The following TP63 variants were observed in gnomAD, a reference collection of about 807,000 sequenced individuals.
TP63 encodes tumor protein 63.
Under a neutral mutation model 82.8 loss-of-function variants are expected in TP63, and 17 were observed. The observed-to-expected ratio is 0.21, with a 90% confidence interval of 0.14 to 0.31. The LOEUF is 0.31. Ranked by LOEUF, TP63 falls within the 10% of genes least tolerant of loss-of-function variation. The pLI is 1.00. For synonymous variants in TP63, 330 were observed against 321.7 expected, an observed-to-expected ratio of 1.03 and a Z score of -0.28; for missense variants, 648 against 895.3, an observed-to-expected ratio of 0.72 and a Z score of 3.52.
chr3:189,632,305 C>G (rs1729510132), intron 1 of TP63, among the ~76,000 whole-genome samples: 1 of 152,050 alleles, frequency 6.6e-6, no homozygotes, highest in Non-Finnish European at 1.5e-5. Flanking sequence ...AGATTTCGTA[C>G]TTTATTTTAT....
chr3:189,888,250 A>G (rs778559583), intron 11 of TP63, among the ~76,000 whole-genome samples: 28 of 152,154 alleles, frequency 1.8e-4, no homozygotes, highest in Admixed American at 4.6e-4. Context: ...TCACTCTCTC[A>G]CTAATGATAA....
chr3:189,744,919 A>G (rs1721257332), intron 3 of TP63, among the ~76,000 whole-genome samples: 1 of 152,214 alleles, frequency 6.6e-6, no homozygotes, highest in Non-Finnish European at 1.5e-5. Flanking sequence ...AGGCTGGCCT[A>G]CCGGGTGTCT....
the TP63 span, among the ~76,000 whole-genome samples, chr3:189,616,532 A>C: frequency 6.6e-6 from 1 of 152,194 alleles, no homozygotes; most frequent in Non-Finnish European, 1.5e-5. Flanking sequence ...TCCTTCATCC[A>C]GTCTTAGAAG....
chr3:189,864,863 T>G (rs191724058), intron 5 of TP63, among the ~76,000 whole-genome samples: 3,549 of 151,902 alleles, frequency 0.023, 131 homozygotes, highest in African/African-American at 0.081. Flanking sequence ...AAAAATTAGC[T>G]GGGCATGGTG....
At chr3:189,767,186 T>C (rs1315718295) in intron 3 of TP63, among the ~76,000 whole-genome samples, 1 of 152,212 alleles carries the variant, frequency 6.6e-6, no homozygotes, top group Non-Finnish European at 1.5e-5. Flanking sequence ...AATTTATCTT[T>C]ATTATTTATT....
intron 4 of TP63, among the ~76,000 whole-genome samples, chr3:189,862,268 A>G (rs916531664): frequency 1.3e-5 from 2 of 152,180 alleles, no homozygotes; most frequent in African/African-American, 4.8e-5. Flanking sequence ...TTGTATCAGG[A>G]TAAAATTTCT....
At chr3:189,842,999 A>G (rs879300801) in intron 4 of TP63, among the ~76,000 whole-genome samples, 1 of 152,194 alleles carries the variant, frequency 6.6e-6, no homozygotes, top group Admixed American at 6.5e-5. Flanking sequence ...TTGCAAAATT[A>G]CCGATCAAGT....
At chr3:189,711,276 A>G (rs908956681) in intron 1 of TP63, among the ~76,000 whole-genome samples, 2 of 152,188 alleles carry the variant, frequency 1.3e-5, no homozygotes, top group African/African-American at 4.8e-5. Context: ...TGCTCAGAGT[A>G]GGTATAGGAG....
intron 1 of TP63, among the ~76,000 whole-genome samples, chr3:189,680,019 C>T (rs1715776191): frequency 6.6e-6 from 1 of 151,976 alleles, no homozygotes; most frequent in African/African-American, 2.4e-5. Flanking sequence ...AATTTTGAAA[C>T]CAGGTAATGT....
the TP63 span, among the ~76,000 whole-genome samples, chr3:189,625,256 G>C: frequency 1.3e-5 from 2 of 152,140 alleles, no homozygotes; most frequent in Non-Finnish European, 2.9e-5. Flanking sequence ...AAAACCTGTT[G>C]GTAGGCGTTA....
intron 3 of TP63, among the ~76,000 whole-genome samples, chr3:189,753,059 A>G (rs1449474996): frequency 1.3e-5 from 2 of 152,114 alleles, no homozygotes; most frequent in Non-Finnish European, 2.9e-5. Flanking sequence ...TTCTAGAGTC[A>G]TGATATTGTT....
intron 4 of TP63, among the ~76,000 whole-genome samples, chr3:189,828,262 A>G (rs574123748): frequency 1.3e-3 from 201 of 151,616 alleles, no homozygotes; most frequent in African/African-American, 3.7e-3. Context: ...AAAAAAAAAA[A>G]AGAGAGAGAG....
intron 1 of TP63, among the ~76,000 whole-genome samples, chr3:189,735,322 C>T (rs1720501243): frequency 1.3e-5 from 2 of 152,096 alleles, no homozygotes; most frequent in Admixed American, 6.6e-5. Context: ...TGTTTCTAAA[C>T]TTTTGGTCTA....
intron 3 of TP63, among the ~76,000 whole-genome samples, chr3:189,747,676 T>A (rs553448401): frequency 1.4e-3 from 206 of 151,564 alleles, no homozygotes; most frequent in South Asian, 0.011. Context: ...CTTAAGGAAA[T>A]GGAAACACAA....
chr3:189,739,802 A>G (rs1163342638), intron 3 of TP63, among the ~76,000 whole-genome samples: 1 of 129,744 alleles, frequency 7.7e-6, no homozygotes, highest in South Asian at 2.6e-4. Flanking sequence ...TTTTTTTTTT[A>G]ATCATTTATT....
At chr3:189,734,751 C>T (rs1720450274) in intron 1 of TP63, among the ~76,000 whole-genome samples, 1 of 152,108 alleles carries the variant, frequency 6.6e-6, no homozygotes, top group Non-Finnish European at 1.5e-5. Context: ...CTTAATTTTG[C>T]CATCTACTTC....
chr3:189,758,553 C>G (rs1196245105), intron 3 of TP63, among the ~76,000 whole-genome samples: 1 of 152,214 alleles, frequency 6.6e-6, no homozygotes, highest in Admixed American at 6.5e-5. Flanking sequence ...CTTGATCTTT[C>G]AAGTCACCTG....
At chr3:189,783,036 G>C (rs890636170) in intron 3 of TP63, among the ~76,000 whole-genome samples, 1 of 151,876 alleles carries the variant, frequency 6.6e-6, no homozygotes, top group Admixed American at 6.6e-5. Context: ...TTATATGATA[G>C]TGTATTTTAA....
intron 1 of TP63, among the ~76,000 whole-genome samples, chr3:189,638,478 C>T (rs1372582136): frequency 6.6e-6 from 1 of 152,076 alleles, no homozygotes; most frequent in Admixed American, 6.6e-5. Flanking sequence ...TAAATTGAAA[C>T]AGTGATTCTT....
Sources: allele counts gnomAD v4.1 joint callset (sites outside exome capture counted in the v4.1 genomes callset), GRCh38; gene constraint gnomAD v4.1.1; transcripts MANE v1.5; gene names NCBI Gene and HGNC (gene_info 2026-07-23, HGNC 2026-07-21).